The following UNC13C variants were observed in gnomAD, a reference collection of about 807,000 sequenced individuals.
UNC13C encodes the protein protein unc-13 homolog C.
Under a neutral mutation model 245.4 loss-of-function variants are expected in UNC13C, and 174 were observed. The ratio of observed to expected loss-of-function variants is 0.71; its 90% CI spans 0.63 to 0.80. The LOEUF is 0.80. Among genes scored for constraint, UNC13C ranks in the 30% least tolerant of loss-of-function variants. The probability of loss-of-function intolerance (pLI) is 0.00; values close to 1 mark genes in which losing one functional copy is unlikely to be tolerated. For missense variants in UNC13C, 2,829 were observed against 2,602.9 expected, an observed-to-expected ratio of 1.09 and a Z score of -1.89; for synonymous variants, 992 against 895.1, an observed-to-expected ratio of 1.11 and a Z score of -1.93.
intron 2 of UNC13C, among the ~76,000 whole-genome samples, chr15:54,104,714 A>G (rs1339163897): frequency 1.3e-5 from 2 of 151,714 alleles, no homozygotes; most frequent in Non-Finnish European, 2.9e-5. Flanking sequence ...CTGCTTCTTA[A>G]TTGTTTCATA....
At chr15:54,029,215 C>T (rs1006294965) in intron 2 of UNC13C, among the ~76,000 whole-genome samples, 16 of 152,164 alleles carry the variant, frequency 1.1e-4, no homozygotes, top group Non-Finnish European at 1.9e-4. Flanking sequence ...TTTCATGAAA[C>T]ACAAAAAATG....
In UNC13C at chr15:54,316,793, T is replaced by A. The variant is rs143031864; in HGVS notation, c.4269-5146T>A. On this transcript the variant is annotated intron_variant, in intron 13 of 32. Transcript: ENST00000260323. ...CTCTCTTCACCGCTATGGGATTCAA[T>A]TCGGCCTTTGGAGGATTGCCCTGCA... Among the ~76,000 whole-genome samples the A allele has an allele frequency of 1.2e-4, 19 of 152,080 alleles. No homozygotes were observed. The East Asian group carries it at 2.9e-3, about 23-fold the overall frequency.
chr15:53,993,494 C>T (rs548440670), intron 1 of UNC13C, among the ~76,000 whole-genome samples: 9 of 152,072 alleles, frequency 5.9e-5, no homozygotes, highest in East Asian at 1.9e-4. Flanking sequence ...CTGTGTGGCA[C>T]GTTATGGCTG....
chr15:54,531,232 A>G (rs1895722790), intron 25 of UNC13C, among the ~76,000 whole-genome samples: 4 of 152,290 alleles, frequency 2.6e-5, no homozygotes, highest in Admixed American at 6.5e-5. Context: ...CCACCAGTAT[A>G]TAGATGCTAT....
intron 19 of UNC13C, among the ~76,000 whole-genome samples, chr15:54,462,656 G>A (rs911152123): frequency 2.6e-5 from 4 of 152,342 alleles, no homozygotes; most frequent in South Asian, 2.1e-4. Flanking sequence ...CCCGCAATGC[G>A]CTTGAATTCT....
chr15:54,335,611 C>G (rs1310760239), intron 16 of UNC13C, among the ~76,000 whole-genome samples: 1 of 152,152 alleles, frequency 6.6e-6, no homozygotes, highest in Non-Finnish European at 1.5e-5. Context: ...GTAGGTTTGC[C>G]TTTCCTAGAA....
chr15:54,193,133 A>G (rs963021712), intron 4 of UNC13C, among the ~76,000 whole-genome samples: 6 of 152,172 alleles, frequency 3.9e-5, no homozygotes, highest in African/African-American at 1.4e-4. Context: ...CTTCTACTTT[A>G]TAAAGTACTA....
chr15:54,607,587 C>T (rs896870099), intron 30 of UNC13C, among the ~76,000 whole-genome samples: 1 of 152,020 alleles, frequency 6.6e-6, no homozygotes, highest in Admixed American at 6.6e-5. Context: ...TAAAGAACTA[C>T]CTGAGACCAT....
chr15:54,160,663 C>T (rs980120695), intron 4 of UNC13C, among the ~76,000 whole-genome samples: 1 of 152,062 alleles, frequency 6.6e-6, no homozygotes. Flanking sequence ...CCTAATTTCT[C>T]TAAAATGATT....
At chr15:54,394,170 G>T (rs536593046) in intron 18 of UNC13C, among the ~76,000 whole-genome samples, 5 of 151,816 alleles carry the variant, frequency 3.3e-5, no homozygotes, top group Admixed American at 6.6e-5. Context: ...AGTTAAAGAA[G>T]AAATACATTT....
At chr15:54,129,526 A>AT (rs1263232681) in intron 2 of UNC13C, among the ~76,000 whole-genome samples, 24 of 152,140 alleles carry the variant, frequency 1.6e-4, no homozygotes, top group African/African-American at 5.5e-4. Context: ...CATAGGGAGA[A>AT]TTTTCTACTG....
intron 30 of UNC13C, among the ~76,000 whole-genome samples, chr15:54,595,247 C>T (rs1232433458): frequency 1.3e-5 from 2 of 152,030 alleles, no homozygotes; most frequent in African/African-American, 4.8e-5. Context: ...CCGTTATGCT[C>T]TCGGGGCCTA....
intron 17 of UNC13C, among the ~76,000 whole-genome samples, chr15:54,345,302 A>T (rs2038834755): frequency 6.6e-6 from 1 of 152,226 alleles, no homozygotes. Flanking sequence ...GTAAGAAATT[A>T]TAGGTATATT....
At position 54,294,507 on chromosome 15, in the gene UNC13C, T is replaced by G. The variant is rs971873849; in HGVS notation, c.3988+443T>G. 2.0e-5 allele frequency among the ~76,000 whole-genome samples: 3 copies of G among 152,206 alleles called. No individual in the cohort carries two copies. In the East Asian group the frequency reaches 5.8e-4, roughly 29 times the overall value. On this transcript the variant is annotated intron_variant, in intron 11 of 32. Transcript: ENST00000260323. The stretch of plus-strand genomic sequence containing the variant: ...ATGACGGTATAACAGTAGGCTTTAG[T>G]TGACAAAGTCAAGTAAACATGTGAA...
chr15:54,421,847 T>C (rs1050382177), intron 19 of UNC13C, among the ~76,000 whole-genome samples: 10 of 152,068 alleles, frequency 6.6e-5, no homozygotes, highest in African/African-American at 2.4e-4. Flanking sequence ...ATGTATTATG[T>C]ATTCAAGGAA....
intron 14 of UNC13C, among the ~76,000 whole-genome samples, chr15:54,325,418 G>C (rs1391791148): frequency 6.6e-6 from 1 of 151,944 alleles, no homozygotes; most frequent in Admixed American, 6.6e-5. Context: ...CAGTCTTTTT[G>C]TTATTATTTT....
chr15:54,059,105 C>T (rs1036884555), intron 2 of UNC13C, among the ~76,000 whole-genome samples: 4 of 152,128 alleles, frequency 2.6e-5, no homozygotes, highest in Non-Finnish European at 5.9e-5. Flanking sequence ...GTTGGAAGTT[C>T]TGGCCAGGGC....
At chr15:54,621,241 TC>T (rs1325417881) in intron 30 of UNC13C, among the ~76,000 whole-genome samples, 2 of 152,126 alleles carry the variant, frequency 1.3e-5, no homozygotes, top group Non-Finnish European at 2.9e-5. Context: ...TCTTTATTAA[TC>T]TAATACATTG....
the UNC13C span, among the ~76,000 whole-genome samples, chr15:53,961,648 T>A: frequency 6.6e-6 from 1 of 152,222 alleles, no homozygotes; most frequent in Non-Finnish European, 1.5e-5. Context: ...TGAGAGCATG[T>A]TAAATTGGTT....
Sources: allele counts gnomAD v4.1 joint callset (sites outside exome capture counted in the v4.1 genomes callset), GRCh38; gene constraint gnomAD v4.1.1; transcripts MANE v1.5; gene names NCBI Gene and HGNC (gene_info 2026-07-23, HGNC 2026-07-21).